Variants in LIMA1 observed in about 807,000 individuals in gnomAD.
The protein encoded by LIMA1 is LIM domain and actin binding 1.
A neutral mutation model predicts 62.6 loss-of-function variants in LIMA1; 52 were observed. The observed-to-expected ratio is 0.83, with a 90% confidence interval of 0.67 to 1.05. The LOEUF is 1.05. Ranked by LOEUF, LIMA1 falls within the 50% of genes least tolerant of loss-of-function variation. The pLI, the probability that LIMA1 is intolerant of heterozygous loss-of-function variation, is 0.00. For missense variants in LIMA1, 780 were observed against 902.2 expected (o/e 0.86, Z 1.74); for synonymous variants, 302 against 317.8 (o/e 0.95, Z 0.53).
intron 3 of LIMA1, among the ~76,000 whole-genome samples, chr12:50,225,091 G>A (rs1463010466): frequency 2.6e-5 from 4 of 151,882 alleles, no homozygotes; most frequent in African/African-American, 7.2e-5. Context: ...TAGTAGAGAC[G>A]GGGTTTCTCC....
intron 10 of LIMA1, among the ~76,000 whole-genome samples, chr12:50,178,962 A>ATTTTTT (rs1168217018): frequency 8.4e-5 from 8 of 95,518 alleles, no homozygotes; most frequent in Admixed American, 1.3e-4. Context: ...ATATATATAT[A>ATTTTTT]TATATTTTTT....
At chr12:50,224,354 A>G (rs1314579172) in intron 3 of LIMA1, 1 of 152,214 alleles carries the variant, frequency 6.6e-6, no homozygotes, top group Non-Finnish European at 1.5e-5. Context: ...TAGTGTTTAA[A>G]TTTTAGCTTA....
intron 4 of LIMA1, among the ~76,000 whole-genome samples, chr12:50,206,745 T>C (rs999554167): frequency 6.6e-6 from 1 of 152,160 alleles, no homozygotes; most frequent in Non-Finnish European, 1.5e-5. Flanking sequence ...AAAGACTCAG[T>C]GTAAGCACTA....
intron 1 of LIMA1, among the ~76,000 whole-genome samples, chr12:50,279,532 G>A (rs1942313834): frequency 6.6e-6 from 1 of 152,162 alleles, no homozygotes; most frequent in African/African-American, 2.4e-5. Context: ...AGTATAGTGA[G>A]AATAGGAAGC....
At chr12:50,180,481 A>G (rs1940473604) in intron 10 of LIMA1, among the ~76,000 whole-genome samples, 1 of 152,018 alleles carries the variant, frequency 6.6e-6, no homozygotes, top group Non-Finnish European at 1.5e-5. Flanking sequence ...TCTCAAAAAG[A>G]AAAACCAGAT....
chr12:50,219,486 A>AAAATAAAT (rs1364330510), intron 4 of LIMA1: 3 of 152,138 alleles, frequency 2.0e-5, no homozygotes, highest in Non-Finnish European at 4.4e-5. Context: ...TTCTGTCTCA[A>AAAATAAAT]AAATAAATAA....
intron 1 of LIMA1, among the ~76,000 whole-genome samples, chr12:50,269,582 C>T (rs1942178942): frequency 6.6e-6 from 1 of 152,184 alleles, no homozygotes; most frequent in Non-Finnish European, 1.5e-5. Context: ...CACCATTTCT[C>T]TGCACCATAA....
intron 4 of LIMA1, among the ~76,000 whole-genome samples, chr12:50,210,204 C>T (rs996614171): frequency 6.6e-5 from 10 of 152,068 alleles, no homozygotes; most frequent in Non-Finnish European, 1.3e-4. Context: ...AGGTGGATCA[C>T]TTGAGGTCAG....
chr12:50,187,419 G>GA (rs1290529492), intron 9 of LIMA1: 2 of 152,172 alleles, frequency 1.3e-5, no homozygotes, highest in African/African-American at 4.8e-5. Context: ...TAATGAAACT[G>GA]AAATTCTTCA....
intron 3 of LIMA1, among the ~76,000 whole-genome samples, chr12:50,227,739 T>C (rs962560869): frequency 5.9e-5 from 9 of 152,180 alleles, no homozygotes; most frequent in Non-Finnish European, 1.2e-4. Context: ...TCCTTTAGGG[T>C]TGAGTCAGGC....
intron 10 of LIMA1, among the ~76,000 whole-genome samples, chr12:50,180,156 C>T (rs575018100): frequency 5.3e-5 from 8 of 152,136 alleles, no homozygotes; most frequent in Admixed American, 2.0e-4. Context: ...CAAAAATTAG[C>T]CAGGCATGTT....
chr12:50,269,176 TAAA>T (rs1180175002), intron 1 of LIMA1, among the ~76,000 whole-genome samples: 3 of 152,218 alleles, frequency 2.0e-5, no homozygotes, highest in Non-Finnish European at 4.4e-5. Context: ...GTGGTGGTAA[TAAA>T]AATACCTAAC....
chr12:50,226,422 T>C (rs1941528429), intron 3 of LIMA1, among the ~76,000 whole-genome samples: 1 of 152,180 alleles, frequency 6.6e-6, no homozygotes, highest in South Asian at 2.1e-4. Flanking sequence ...TATCTCACTA[T>C]AGCATCTGAC....
In LIMA1 at chr12:50,194,294, CATATAT is replaced by C. The variant is rs200096514; in HGVS notation, c.1030+1530_1030+1535del. On this transcript the variant is annotated intron_variant, in intron 8 of 10. Coordinates refer to ENST00000341247, the MANE Select transcript of LIMA1 (RefSeq NM_016357.5). ...GTGAGCCACCGTGCCTGGCCAGCAA[CATATAT>C]ATATATTTTGTTTTGAGTCGGAGTC... Among the ~76,000 whole-genome samples, 49 of 143,688 alleles carry C rather than the reference CATATAT, an allele frequency of 3.4e-4. 1 individual carries two copies. The highest frequency in any genetic ancestry group is 1.2e-3 in the African/African-American group (48 of 38,542). 94.3% of individuals were successfully genotyped at this position (143,688 alleles called of 152,430 possible).
At chr12:50,242,840 C>T (rs547727403) in intron 2 of LIMA1, among the ~76,000 whole-genome samples, 29 of 152,288 alleles carry the variant, frequency 1.9e-4, no homozygotes, top group African/African-American at 5.8e-4. Flanking sequence ...GGCCTGGGAT[C>T]TGGGCTTGGG....
intron 8 of LIMA1, among the ~76,000 whole-genome samples, chr12:50,193,161 T>C (rs187346893): frequency 5.3e-5 from 8 of 152,224 alleles, no homozygotes; most frequent in African/African-American, 1.7e-4. Context: ...CCTGCCAAAA[T>C]GAAGAGGTGA....
chr12:50,204,888 A>G (rs919375358), intron 5 of LIMA1, among the ~76,000 whole-genome samples, 188 bp from the exon 6 acceptor site: 1 of 152,234 alleles, frequency 6.6e-6, no homozygotes, highest in South Asian at 2.1e-4. Context: ...ACTGGCCAAC[A>G]TGTTTTATTA....
At chr12:50,223,733 G>A (rs144178288) in intron 3 of LIMA1, among the ~76,000 whole-genome samples, 3 of 152,176 alleles carry the variant, frequency 2.0e-5, no homozygotes, top group East Asian at 1.9e-4. Context: ...GAGGAAACAC[G>A]CTTGTTGAAA....
chr12:50,205,469 C>T (rs1006867543), intron 5 of LIMA1, among the ~76,000 whole-genome samples: 1 of 152,040 alleles, frequency 6.6e-6, no homozygotes, highest in East Asian at 1.9e-4. Context: ...CTGATGTTTT[C>T]CTGTTTTTAC....
Sources: allele counts gnomAD v4.1 joint callset (sites outside exome capture counted in the v4.1 genomes callset), GRCh38; gene constraint gnomAD v4.1.1; transcripts MANE v1.5; gene names NCBI Gene and HGNC (gene_info 2026-07-23, HGNC 2026-07-21).